Variants in HPRT1 observed in about 807,000 individuals in gnomAD.
HPRT1 encodes hypoxanthine phosphoribosyltransferase 1.
Under a neutral mutation model 19.0 loss-of-function variants are expected in HPRT1, and 4 were observed. That is an observed-to-expected ratio of 0.21 (90% CI 0.10 to 0.48). HPRT1 has a LOEUF of 0.48. Among genes scored for constraint, HPRT1 ranks in the 20% least tolerant of loss-of-function variants. The probability of loss-of-function intolerance (pLI) is 0.98; values close to 1 mark genes in which losing one functional copy is unlikely to be tolerated. For missense variants in HPRT1, 65 were observed against 164.0 expected (o/e 0.40, Z 3.30); for synonymous variants, 53 against 54.9 (o/e 0.97, Z 0.15).
intron 1 of HPRT1, among the ~76,000 whole-genome samples, chrX:134,466,009 T>A (rs1159485793): frequency 8.2e-5 from 9 of 109,843 alleles, no homozygotes; most frequent in Non-Finnish European, 1.5e-4. Context: ...CATACCTTTT[T>A]TGAAGTCCTA....
intron 4 of HPRT1, among the ~76,000 whole-genome samples, chrX:134,489,278 A>G (rs1232396782): frequency 8.9e-6 from 1 of 112,062 alleles, no homozygotes; most frequent in Non-Finnish European, 1.9e-5. Flanking sequence ...ATAATAATAT[A>G]TATGTTACAA....
chrX:134,468,925 TA>T lies in HPRT1; in HGVS notation c.28-4433del, dbSNP rs17878843. On this transcript the variant is annotated intron_variant, in intron 1 of 8. Transcript: ENST00000298556. ...ATTTTGTTTTTATTTTGTAAAAAAT[TA>T]TTTTTTTTCTTTTTGGAGACAGGGT... 6.3e-3 allele frequency among the ~76,000 whole-genome samples: 697 copies of T among 111,423 alleles called. 5 individuals carry two copies. Among genetic ancestry groups the T allele is most frequent in the African/African-American group, 0.021 (660 of 30,706 alleles).
chrX:134,480,845 A>G (rs1200961905), intron 3 of HPRT1, among the ~76,000 whole-genome samples: 4 of 103,441 alleles, frequency 3.9e-5, no homozygotes, highest in Admixed American at 3.1e-4. Context: ...AAAGGTATCA[A>G]AAGAGAATAG....
At chrX:134,464,792 C>A (rs907536260) in intron 1 of HPRT1, among the ~76,000 whole-genome samples, 19 of 109,862 alleles carry the variant, frequency 1.7e-4, no homozygotes, top group African/African-American at 2.7e-4. Flanking sequence ...TGGTCTCCAT[C>A]TCCTGACCTC....
intron 1 of HPRT1, among the ~76,000 whole-genome samples, chrX:134,472,755 C>T (rs1171036965): frequency 3.7e-5 from 4 of 109,384 alleles, no homozygotes; most frequent in African/African-American, 1.3e-4. Context: ...TTAGTAGAGA[C>T]GGCGGGGGGA....
chrX:134,473,855 T>C (rs2077616708), intron 2 of HPRT1, among the ~76,000 whole-genome samples: 1 of 112,103 alleles, frequency 8.9e-6, no homozygotes. Context: ...GTGAAAAACC[T>C]TACCTGGTAT....
At chrX:134,494,791 C>G (rs1258102256) in intron 6 of HPRT1, among the ~76,000 whole-genome samples, 1 of 111,238 alleles carries the variant, frequency 9.0e-6, no homozygotes, top group Non-Finnish European at 1.9e-5. Context: ...TTGTTCTTTC[C>G]TGGTATATGC....
At chrX:134,465,526 C>T (rs748600024) in intron 1 of HPRT1, among the ~76,000 whole-genome samples, 106 of 111,860 alleles carry the variant, frequency 9.5e-4, no homozygotes, top group African/African-American at 3.3e-3. Flanking sequence ...AAAATTATTT[C>T]AGTAATCGAT....
rs1602750697 is a variant in HPRT1, at chrX:134,500,156, G to A, written c.*79G>A. Reference sequence around the variant, plus strand: ...GTAAAATTATCAATGTTCTAGTTCTGTGGCCATCTGCTTAGTAGAGCTTTT... The same window carrying A: ...GTAAAATTATCAATGTTCTAGTTCTATGGCCATCTGCTTAGTAGAGCTTTT... On this transcript the variant is annotated 3_prime_UTR_variant, in exon 9 of 9. Coordinates refer to ENST00000298556, the MANE Select transcript of HPRT1 (RefSeq NM_000194.3). The A allele has an allele frequency of 1.5e-6, 1 of 672,586 alleles. No homozygotes were observed. The highest frequency in any genetic ancestry group is 2.1e-5 in the African/African-American group (1 of 46,957). 55.4% of individuals were successfully genotyped at this position (672,586 alleles called of 1,213,427 possible). A position where few individuals can be genotyped will look rare whatever the true frequency, so the allele number is the denominator to read the frequency against.
At chrX:134,491,414 C>T (rs2077666116) in intron 5 of HPRT1, among the ~76,000 whole-genome samples, 1 of 111,111 alleles carries the variant, frequency 9.0e-6, no homozygotes, top group African/African-American at 3.3e-5. Context: ...CTGATAAACC[C>T]ATCTGAAGTT....
chrX:134,460,646 G>A (rs985390760), intron 1 of HPRT1: 3 of 162,532 alleles, frequency 1.8e-5, no homozygotes, highest in Non-Finnish European at 3.5e-5. Context: ...TGCGGGGAGG[G>A]GCCGAGGGCA....
chrX:134,473,922 T>C (rs2077616819), intron 2 of HPRT1, among the ~76,000 whole-genome samples: 1 of 112,307 alleles, frequency 8.9e-6, no homozygotes, highest in African/African-American at 3.2e-5. Flanking sequence ...AATTATAATA[T>C]CAAAATATTT....
At chrX:134,494,545 G>C (rs1318788303) in intron 6 of HPRT1, among the ~76,000 whole-genome samples, 1 of 111,612 alleles carries the variant, frequency 9.0e-6, no homozygotes, top group African/African-American at 3.3e-5. Context: ...TCCAGTTCAA[G>C]TGTTTATCAG....
intron 1 of HPRT1, among the ~76,000 whole-genome samples, chrX:134,468,265 T>G (rs1411159189): frequency 2.7e-5 from 3 of 111,159 alleles, no homozygotes. Context: ...AATAAATATT[T>G]GCATATTAGT....
At position 134,475,252 on chromosome X, in the gene HPRT1, A is replaced by G; in HGVS notation, c.206A>G (p.Lys69Arg). Reference protein sequence around the residue: ...GHHIVALCVLKGGYKFFADLL... With the variant: ...GHHIVALCVLRGGYKFFADLL... ...CACATTGTAGCCCTCTGTGTGCTCAAGGGGGGCTATAAATTCTTTGCTGAC... is the reference window on the plus strand; with the variant it reads ...CACATTGTAGCCCTCTGTGTGCTCAGGGGGGGCTATAAATTCTTTGCTGAC... Residue 69 changes from lysine to arginine, a missense_variant, in exon 3 of 9, where the codon AAG (lysine) becomes AGG (arginine). Coordinates refer to ENST00000298556, the MANE Select transcript of HPRT1 (RefSeq NM_000194.3). The G allele has an allele frequency of 8.4e-7, 1 of 1,194,681 alleles. No individual in the cohort carries two copies. The highest frequency in any genetic ancestry group is 1.1e-6 in the Non-Finnish European group (1 of 880,000).
chrX:134,471,954 G>GT (rs17878519), intron 1 of HPRT1, among the ~76,000 whole-genome samples: 18,904 of 109,603 alleles, frequency 0.17, 1,580 homozygotes, highest in African/African-American at 0.29. Context: ...TTTTCTTGTG[G>GT]TTTTTTTTGT....
chrX:134,489,169 G>T (rs1238706648), intron 4 of HPRT1, among the ~76,000 whole-genome samples: 1 of 111,772 alleles, frequency 8.9e-6, no homozygotes, highest in African/African-American at 3.2e-5. Context: ...ACCTAGAACA[G>T]TGAGTCTTCA....
At chrX:134,492,034 TAC>T (rs1284754285) in intron 5 of HPRT1, among the ~76,000 whole-genome samples, 3 of 97,297 alleles carry the variant, frequency 3.1e-5, no homozygotes, top group African/African-American at 1.2e-4. Flanking sequence ...TATATATATA[TAC>T]ACACACACAC....
intron 5 of HPRT1, among the ~76,000 whole-genome samples, chrX:134,491,664 G>A (rs1481304159): frequency 4.6e-5 from 5 of 109,838 alleles, no homozygotes; most frequent in Admixed American, 4.0e-4. Flanking sequence ...CAGCTCAAAC[G>A]TCACCTCCAC....
Sources: allele counts gnomAD v4.1 joint callset (sites outside exome capture counted in the v4.1 genomes callset), GRCh38; gene constraint gnomAD v4.1.1; transcripts MANE v1.5; gene names NCBI Gene and HGNC (gene_info 2026-07-23, HGNC 2026-07-21).